PDS5B: variants seen among roughly 807,000 people sequenced by gnomAD.
PDS5B encodes sister chromatid cohesion protein PDS5 homolog B.
PDS5B carries 51 observed loss-of-function variants against 184.1 expected under a neutral mutation model. The observed-to-expected ratio is 0.28, with a 90% CI of 0.22 to 0.35. PDS5B has a LOEUF of 0.35. Ranked by LOEUF, PDS5B falls within the 10% of genes least tolerant of loss-of-function variation. PDS5B has a pLI of 1.00. For synonymous variants in PDS5B, 566 were observed against 569.2 expected, an observed-to-expected ratio of 0.99 and a Z score of 0.08; for missense variants, 1,180 against 1,723.3, an observed-to-expected ratio of 0.68 and a Z score of 5.58.
chr13:32,638,658 G>GAA (rs71071055), intron 1 of PDS5B, among the ~76,000 whole-genome samples: 107,056 of 151,656 alleles, frequency 0.71, 38,350 homozygotes, highest in African/African-American at 0.83. Context: ...AATGCTGAGA[G>GAA]AGTATCTAGT....
rs1420140249 is a variant in PDS5B, at chr13:32,770,044, A to AT, written c.3625-70dup. ...TATCTAGGACAACATTAGATAACAG[A>AT]TTTTTTTGTTTCATTCCTCAAAATA... On this transcript the variant is annotated intron_variant, in intron 31 of 34. Coordinates refer to ENST00000315596, the MANE Select transcript of PDS5B (RefSeq NM_015032.4). 7.7e-6 allele frequency: 10 copies of AT among 1,305,088 alleles called. No individual in the cohort carries two copies. The African/African-American group carries it at 1.0e-4, about 14-fold the overall frequency. 80.8% of individuals were successfully genotyped at this position (1,305,088 alleles called of 1,614,324 possible).
At chr13:32,678,787 C>G (rs780727669) in intron 9 of PDS5B, 48 bp from the exon 10 acceptor site, 1 of 1,018,774 alleles carries the variant, frequency 9.8e-7, no homozygotes, top group Non-Finnish European at 1.6e-6. Context: ...TAACACATGT[C>G]TGTTTCTCTT....
In PDS5B at chr13:32,751,966, T is replaced by C. The variant is rs1566410115; in HGVS notation, c.2737-1366T>C. Among the ~76,000 whole-genome samples the C allele has an allele frequency of 2.6e-5, 4 of 152,220 alleles. No homozygotes were observed. In the South Asian group the frequency reaches 6.2e-4, roughly 24 times the overall value. On this transcript the variant is annotated intron_variant, in intron 24 of 34. Transcript: ENST00000315596. ...ATTTAAAGATAAGGATGAGATGTTA[T>C]GACCAAGATTTTTGGGGAAGATAAA...
At chr13:32,644,601 G>C (rs985598701) in intron 1 of PDS5B, among the ~76,000 whole-genome samples, 1 of 151,972 alleles carries the variant, frequency 6.6e-6, no homozygotes, top group East Asian at 1.9e-4. Context: ...AGTGATGATA[G>C]TAGGTATGTT....
chr13:32,686,745 A>ACTTCACTCCAACT (rs1951403792), intron 11 of PDS5B, among the ~76,000 whole-genome samples: 1 of 152,194 alleles, frequency 6.6e-6, no homozygotes, highest in African/African-American at 2.4e-5. Flanking sequence ...TGATTGCACC[A>ACTTCACTCCAACT]CTTCACTCCA....
chr13:32,640,982 G>A (rs943561626), intron 1 of PDS5B, among the ~76,000 whole-genome samples: 10 of 151,406 alleles, frequency 6.6e-5, no homozygotes, highest in Non-Finnish European at 1.3e-4. Context: ...GCGTGAACCC[G>A]GGAGGCGGAG....
chr13:32,654,578 G>T lies in PDS5B; in HGVS notation c.312+2571G>T, dbSNP rs572786846. 2.4e-4 allele frequency among the ~76,000 whole-genome samples: 37 copies of T among 152,046 alleles called. No homozygotes were observed. In the South Asian group the frequency reaches 6.8e-3, roughly 28 times the overall value. ...GGTGCAGGGGTACATTTGCAGGTTT[G>T]TTATGTAGGTAAATTACATGTCATG... On this transcript the variant is annotated intron_variant, in intron 3 of 34. Coordinates refer to ENST00000315596, the MANE Select transcript of PDS5B (RefSeq NM_015032.4).
At chr13:32,605,959 GTC>G (rs2058054120) in intron 1 of PDS5B, among the ~76,000 whole-genome samples, 1 of 151,194 alleles carries the variant, frequency 6.6e-6, no homozygotes, top group Admixed American at 6.6e-5. Context: ...GCCTGTGTGT[GTC>G]TCTGCGTGTG....
At chr13:32,602,382 A>G (rs2057990358) in intron 1 of PDS5B, among the ~76,000 whole-genome samples, 1 of 152,194 alleles carries the variant, frequency 6.6e-6, no homozygotes, top group Non-Finnish European at 1.5e-5. Context: ...TTTGCTCAGA[A>G]TGATGGTTTC....
chr13:32,719,792 C>CCTTT (rs1555309612), intron 19 of PDS5B, among the ~76,000 whole-genome samples: 1 of 142,956 alleles, frequency 7.0e-6, no homozygotes, highest in African/African-American at 2.6e-5. Context: ...ACCCCCCCCC[C>CCTTT]TTTTTTTTTT....
intron 1 of PDS5B, among the ~76,000 whole-genome samples, chr13:32,617,511 G>C (rs1257144790): frequency 6.6e-6 from 1 of 152,140 alleles, no homozygotes; most frequent in African/African-American, 2.4e-5. Flanking sequence ...CTTGTTTCTT[G>C]CACATATAAC....
chr13:32,769,329 G>A (rs1566430671), intron 31 of PDS5B, among the ~76,000 whole-genome samples: 1 of 152,100 alleles, frequency 6.6e-6, no homozygotes, highest in South Asian at 2.1e-4. Flanking sequence ...CAGATAATTC[G>A]ATAGTTTTTG....
intron 21 of PDS5B, among the ~76,000 whole-genome samples, chr13:32,739,782 T>C (rs572611511): frequency 4.6e-5 from 7 of 152,132 alleles, no homozygotes; most frequent in Non-Finnish European, 1.0e-4. Flanking sequence ...TGTTGTAAGA[T>C]AAAATATATC....
Position 32,694,208 on chromosome 13 carries a change from G to T in PDS5B, c.1470-15G>T. 1 of 1,538,070 alleles carries T rather than the reference G, an allele frequency of 6.5e-7. No individual in the cohort carries two copies. The highest frequency in any genetic ancestry group is 1.1e-5 in the South Asian group (1 of 87,968). On this transcript the variant is annotated splice_polypyrimidine_tract_variant and intron_variant, in intron 13 of 34. Coordinates refer to ENST00000315596, the MANE Select transcript of PDS5B (RefSeq NM_015032.4). The stretch of plus-strand genomic sequence containing the variant: ...TCTGTTTTGTTATTTAAATGTGTAT[G>T]TTTGTGTTTTTCAGAGCATTGAATG...
At chr13:32,737,255 A>G (rs1953368809) in intron 21 of PDS5B, among the ~76,000 whole-genome samples, 1 of 152,138 alleles carries the variant, frequency 6.6e-6, no homozygotes, top group Non-Finnish European at 1.5e-5. Flanking sequence ...GATCACTTCC[A>G]TCCAATGAAA....
intron 7 of PDS5B, among the ~76,000 whole-genome samples, chr13:32,671,290 G>A (rs1271807727): frequency 1.3e-5 from 2 of 152,088 alleles, no homozygotes; most frequent in Non-Finnish European, 2.9e-5. Flanking sequence ...GAATTTGTGA[G>A]AAATTAAACC....
chr13:32,650,851 C>A (rs184533563), intron 2 of PDS5B, among the ~76,000 whole-genome samples: 1,993 of 152,288 alleles, frequency 0.013, 29 homozygotes, highest in South Asian at 0.062. Context: ...AAGTGGAAAT[C>A]GTTGCAGCAT....
chr13:32,708,417 C>G (rs1459204146), intron 18 of PDS5B, among the ~76,000 whole-genome samples: 1 of 152,150 alleles, frequency 6.6e-6, no homozygotes, highest in African/African-American at 2.4e-5. Context: ...TTACAAACAA[C>G]ACTAAGGTGA....
intron 19 of PDS5B, among the ~76,000 whole-genome samples, chr13:32,715,756 C>T (rs1952369475): frequency 6.6e-6 from 1 of 152,180 alleles, no homozygotes; most frequent in African/African-American, 2.4e-5. Flanking sequence ...TGCAACCTCC[C>T]TGCCTGATTC....
Sources: allele counts gnomAD v4.1 joint callset (sites outside exome capture counted in the v4.1 genomes callset), GRCh38; gene constraint gnomAD v4.1.1; transcripts MANE v1.5; gene names NCBI Gene and HGNC (gene_info 2026-07-23, HGNC 2026-07-21).